MGAT4A: variants seen among roughly 807,000 people sequenced by gnomAD.
MGAT4A encodes the protein N-acetylglucosaminyltransferase IVa.
A neutral mutation model predicts 74.1 loss-of-function variants in MGAT4A; 33 were observed. That is an observed-to-expected ratio of 0.45 (90% CI 0.34 to 0.60). MGAT4A has a LOEUF of 0.60. MGAT4A is among the 20% of genes least tolerant of loss of function. The pLI is 0.02. For missense variants in MGAT4A, 479 were observed against 628.3 expected (o/e 0.76, Z 2.54); for synonymous variants, 198 against 210.4 (o/e 0.94, Z 0.51).
intron 1 of MGAT4A, among the ~76,000 whole-genome samples, chr2:98,729,733 G>A (rs1575288233): frequency 6.6e-6 from 1 of 152,206 alleles, no homozygotes; most frequent in African/African-American, 2.4e-5. Context: ...GTCCACGGCT[G>A]AGAACACTTT....
intron 6 of MGAT4A, among the ~76,000 whole-genome samples, chr2:98,656,811 T>C (rs1184947095): frequency 6.6e-6 from 1 of 151,642 alleles, no homozygotes; most frequent in African/African-American, 2.4e-5. Flanking sequence ...AAATAGAAAA[T>C]TGAAGAAAAA....
In MGAT4A at chr2:98,731,111, TGCCGCCGCCGC is replaced by T. The variant is rs1702852077; in HGVS notation, c.-310_-300del. 1.5e-5 allele frequency: 1 copy of T among 68,176 alleles called. No individual in the cohort carries two copies. Among genetic ancestry groups the T allele is most frequent in the African/African-American group, 1.2e-4 (1 of 8,462 alleles). The allele number at this position is 68,176 out of a possible 1,614,324, so 4.2% of individuals were successfully genotyped here. On this transcript the variant is annotated 5_prime_UTR_variant, in exon 1 of 16. Transcript: ENST00000393487. This position sits in a 1 kb window ranked among gnomAD's most constrained non-coding sequence, Gnocchi z 4.8. ...GAGCTGCTGTAGCCGCCGCCGCCGC[TGCCGCCGCCGC>T]TGCGGGCCGCCCCGCCCGCCCCGCC...
chr2:98,685,569 TAGG>T (rs1466633143), intron 2 of MGAT4A, among the ~76,000 whole-genome samples: 1 of 152,132 alleles, frequency 6.6e-6, no homozygotes, highest in Non-Finnish European at 1.5e-5. Context: ...GAGGGTGGTT[TAGG>T]AGAACTAATG....
intron 14 of MGAT4A, among the ~76,000 whole-genome samples, chr2:98,628,285 A>C (rs1701176026): frequency 6.6e-6 from 1 of 152,246 alleles, no homozygotes; most frequent in South Asian, 2.1e-4. Flanking sequence ...CAAGAAAAAC[A>C]CTCAAAATAA....
Position 98,658,260 on chromosome 2 carries a change from T to A in MGAT4A, c.542A>T (p.Asp181Val). ...CVIVVFIGET[D>V]IDYVHGVVAN... ...TACAACACCATGTACATAATCAATA[T>A]CTGTCTGGGAAAGAAAAAAAATGTA... The change falls in exon 6 of 16, where the codon GAT becomes GTT. Residue 181 changes from aspartate (D) to valine (V), a missense_variant. Transcript: ENST00000393487. The A allele has an allele frequency of 6.4e-7, 1 of 1,562,390 alleles. No homozygotes were observed. Among genetic ancestry groups the A allele is most frequent in the African/African-American group, 1.4e-5 (1 of 72,706 alleles).
At position 98,619,769 on chromosome 2, in the gene MGAT4A, G is replaced by C. The variant is rs1284546647; in HGVS notation, c.*5797C>G. The C allele has an allele frequency of 2.0e-5, 3 of 152,186 alleles. No individual in the cohort carries two copies. Among genetic ancestry groups the C allele is most frequent in the African/African-American group, 7.2e-5 (3 of 41,446 alleles). The allele number at this position is 152,186 out of a possible 1,614,324, so 9.4% of individuals were successfully genotyped here. ...GTACCAAACCCTTGGTTCCAGGACA[G>C]TTTGCTAATTACTAATACAATGAAA... On this transcript the variant is annotated 3_prime_UTR_variant, in exon 16 of 16. Coordinates refer to ENST00000393487, the MANE Select transcript of MGAT4A (RefSeq NM_012214.3).
At chr2:98,665,119 G>A (rs1036225261) in intron 4 of MGAT4A, among the ~76,000 whole-genome samples, 1 of 151,984 alleles carries the variant, frequency 6.6e-6, no homozygotes, top group Non-Finnish European at 1.5e-5. Context: ...CACGAGGTCA[G>A]GAGATCGAGA....
At chr2:98,636,988 G>A (rs1418648592) in intron 12 of MGAT4A, among the ~76,000 whole-genome samples, 1 of 152,030 alleles carries the variant, frequency 6.6e-6, no homozygotes, top group Admixed American at 6.6e-5. Context: ...AACTTCACTA[G>A]GACAACCAGT....
chr2:98,671,545 TTC>T (rs758199358), intron 4 of MGAT4A, among the ~76,000 whole-genome samples: 1 of 152,170 alleles, frequency 6.6e-6, no homozygotes, highest in Non-Finnish European at 1.5e-5. Context: ...TACAGTGACC[TTC>T]TTTCATTTTC....
chr2:98,710,073 C>G (rs1412250211), intron 2 of MGAT4A, among the ~76,000 whole-genome samples: 1 of 152,084 alleles, frequency 6.6e-6, no homozygotes, highest in African/African-American at 2.4e-5. Context: ...CCAAAAACAA[C>G]AGGAACACTT....
rs545425702 is a variant in MGAT4A, at chr2:98,653,157, C to T, written c.774+2288G>A. ...ATATACCAAAATGTATGATATATAG[C>T]AAAAGCCATACAAAGAGGGAAGTTT... On this transcript the variant is annotated intron_variant, in intron 8 of 15. Transcript: ENST00000393487. Among the ~76,000 whole-genome samples the T allele has an allele frequency of 1.5e-4, 21 of 140,430 alleles. No individual in the cohort carries two copies. The South Asian group carries it at 4.1e-3, about 27-fold the overall frequency. The allele number at this position is 140,430 out of a possible 152,430, so 92.1% of individuals were successfully genotyped here.
intron 8 of MGAT4A, among the ~76,000 whole-genome samples, chr2:98,647,482 A>AT (rs1281918916): frequency 2.0e-5 from 3 of 151,660 alleles, no homozygotes; most frequent in East Asian, 1.9e-4. Flanking sequence ...CGCCTAGCTA[A>AT]TTTTTTTTGT....
chr2:98,659,063 T>A (rs1324204097), intron 5 of MGAT4A, among the ~76,000 whole-genome samples: 1 of 152,160 alleles, frequency 6.6e-6, no homozygotes. Flanking sequence ...TAACCCAGCA[T>A]GGAGGGTAGA....
chr2:98,648,722 CAAA>C (rs1339443335), intron 8 of MGAT4A, among the ~76,000 whole-genome samples: 4 of 121,680 alleles, frequency 3.3e-5, no homozygotes, highest in Non-Finnish European at 3.6e-5. Flanking sequence ...ACCCTGTCTC[CAAA>C]AAAAAAAAAA....
At chr2:98,627,984 C>CTTTA (rs1701172466) in intron 14 of MGAT4A, among the ~76,000 whole-genome samples, 1 of 152,104 alleles carries the variant, frequency 6.6e-6, no homozygotes. Flanking sequence ...AATAAATAAC[C>CTTTA]ATAGGCTTTA....
Position 98,625,806 on chromosome 2 carries a change from T to A in MGAT4A, c.1498A>T (p.Met500Leu), listed in dbSNP as rs571187182. ...ATGGGATTGAGACTTGGATCCACCA[T>A]TCCTTCTGCAACACCATTCTCAAAT... ...GKFENGVAEG[M>L]VDPSLNPISA... The change falls in exon 15 of 16, where the codon ATG becomes TTG. Residue 500 changes from methionine to leucine, a missense_variant. Around this residue, in one of 3 missense-constraint regions of MGAT4A, gnomAD observed 236 missense variants for 308.2 expected, o/e 0.77. Transcript: ENST00000393487. 1 of 1,611,372 alleles carries A rather than the reference T, an allele frequency of 6.2e-7. No individual in the cohort carries two copies.
chr2:98,700,854 A>G (rs1456035153), intron 2 of MGAT4A, among the ~76,000 whole-genome samples: 1 of 151,412 alleles, frequency 6.6e-6, no homozygotes, highest in Non-Finnish European at 1.5e-5. Context: ...TCGCGCCACT[A>G]CACTCCAGTC....
chr2:98,622,992 TG>T lies in MGAT4A; in HGVS notation c.*2573del. The T allele has an allele frequency of 1.0e-6, 1 of 984,468 alleles. No individual in the cohort carries two copies. Among genetic ancestry groups the T allele is most frequent in the Middle Eastern group, 5.2e-4 (1 of 1,912 alleles). The allele number at this position is 984,468 out of a possible 1,614,324, so 61.0% of individuals were successfully genotyped here. A position where few individuals can be genotyped will look rare whatever the true frequency, so the allele number is the denominator to read the frequency against. On this transcript the variant is annotated 3_prime_UTR_variant, in exon 16 of 16. Transcript: ENST00000393487. ...ATGAGAGCACCACTGCACTCCAGCC[TG>T]GGCAACAAAGCGAGACCCTGTCTCA...
At chr2:98,720,990 C>A (rs1702661237) in intron 2 of MGAT4A, among the ~76,000 whole-genome samples, 1 of 152,148 alleles carries the variant, frequency 6.6e-6, no homozygotes, top group African/African-American at 2.4e-5. Context: ...GACCCACAAA[C>A]ACATGGTGGA....
Sources: allele counts gnomAD v4.1 joint callset (sites outside exome capture counted in the v4.1 genomes callset), GRCh38; gene constraint gnomAD v4.1.1; regional missense constraint gnomAD v4.1.1; non-coding constraint Gnocchi (gnomAD v3.1); transcripts MANE v1.5; gene names NCBI Gene and HGNC (gene_info 2026-07-23, HGNC 2026-07-21).